Variants in GRID1 observed in about 807,000 individuals in gnomAD.
GRID1 encodes the protein glutamate receptor ionotropic, delta-1.
GRID1 carries 28 observed loss-of-function variants against 98.0 expected under a neutral mutation model. The observed-to-expected ratio is 0.29, with a 90% CI of 0.21 to 0.39. The LOEUF (loss-of-function observed/expected upper bound fraction) is 0.39. Among genes scored for constraint, GRID1 ranks in the 10% least tolerant of loss-of-function variants. GRID1 has a pLI of 1.00. For synonymous variants in GRID1, 553 were observed against 538.5 expected (o/e 1.03, Z -0.37); for missense variants, 1,111 against 1,340.5 (o/e 0.83, Z 2.67).
intron 4 of GRID1, among the ~76,000 whole-genome samples, chr10:86,131,373 C>T (rs1433580406): frequency 6.6e-6 from 1 of 152,104 alleles, no homozygotes; most frequent in African/African-American, 2.4e-5. Context: ...TTGTAAATGC[C>T]TATTTCTCAT....
chr10:85,789,886 C>G (rs1342917202), intron 8 of GRID1, among the ~76,000 whole-genome samples: 1 of 152,186 alleles, frequency 6.6e-6, no homozygotes, highest in Non-Finnish European at 1.5e-5. Context: ...TGATCAGGCC[C>G]TGGGACCCTC....
intron 5 of GRID1, among the ~76,000 whole-genome samples, chr10:85,876,451 A>G (rs1843332694): frequency 6.6e-6 from 1 of 152,174 alleles, no homozygotes; most frequent in Non-Finnish European, 1.5e-5. Flanking sequence ...TTTAACACCT[A>G]TCCAGATAAC....
chr10:86,020,431 C>T (rs1389544149), intron 4 of GRID1, among the ~76,000 whole-genome samples: 1 of 152,238 alleles, frequency 6.6e-6, no homozygotes, highest in Admixed American at 6.5e-5. Flanking sequence ...CCTGTGGGCC[C>T]TTGTGTGCAT....
chr10:85,647,085 C>T, intron 13 of GRID1, 117 bp downstream of exon 13: 1 of 780,648 alleles, frequency 1.3e-6, no homozygotes, highest in Admixed American at 2.1e-5. Flanking sequence ...GATGGATCGC[C>T]TTGCAGGTAA....
At chr10:86,066,283 G>C (rs915635100) in intron 4 of GRID1, among the ~76,000 whole-genome samples, 7 of 152,200 alleles carry the variant, frequency 4.6e-5, no homozygotes, top group African/African-American at 1.7e-4. Flanking sequence ...CCTGCCAGGA[G>C]GGACTGCACA....
At chr10:86,053,526 T>C (rs1040222634) in intron 4 of GRID1, among the ~76,000 whole-genome samples, 1 of 144,870 alleles carries the variant, frequency 6.9e-6, no homozygotes, top group Non-Finnish European at 1.6e-5. Context: ...GCCTGGCTAA[T>C]TTTTTTTGTA....
chr10:86,312,184 G>C (rs1242946209), intron 2 of GRID1, among the ~76,000 whole-genome samples: 2 of 152,216 alleles, frequency 1.3e-5, no homozygotes, highest in Non-Finnish European at 2.9e-5. Flanking sequence ...AATGTTTCTA[G>C]ATGGCTTAGC....
At chr10:85,676,757 C>T (rs925503100) in intron 12 of GRID1, among the ~76,000 whole-genome samples, 1 of 152,176 alleles carries the variant, frequency 6.6e-6, no homozygotes, top group African/African-American at 2.4e-5. Context: ...TGATAAAGCT[C>T]CATATTTTCA....
chr10:85,878,117 A>G (rs1359878937), intron 5 of GRID1, among the ~76,000 whole-genome samples: 1 of 152,240 alleles, frequency 6.6e-6, no homozygotes, highest in African/African-American at 2.4e-5. Flanking sequence ...ATATGGGACT[A>G]TGTGAAAAGA....
At chr10:86,115,618 G>T (rs535551587) in intron 4 of GRID1, among the ~76,000 whole-genome samples, 92 of 152,294 alleles carry the variant, frequency 6.0e-4, no homozygotes, top group Non-Finnish European at 1.1e-3. Flanking sequence ...AGTAAGAGGT[G>T]ATTAGACAGA....
At chr10:85,793,647 G>A (rs1842501175) in intron 8 of GRID1, among the ~76,000 whole-genome samples, 1 of 152,142 alleles carries the variant, frequency 6.6e-6, no homozygotes, top group Non-Finnish European at 1.5e-5. Flanking sequence ...CTCACTGATA[G>A]TAACATTTAC....
At chr10:85,702,513 A>G (rs955100987) in intron 12 of GRID1, among the ~76,000 whole-genome samples, 3 of 152,126 alleles carry the variant, frequency 2.0e-5, no homozygotes, top group African/African-American at 7.2e-5. Flanking sequence ...ATAAGGAAAT[A>G]TTTAATAGAT....
intron 2 of GRID1, among the ~76,000 whole-genome samples, chr10:86,310,805 C>G (rs747943585): frequency 2.6e-5 from 4 of 152,102 alleles, no homozygotes; most frequent in African/African-American, 4.8e-5. Context: ...TTGGAGCATC[C>G]AAAAAGCCAA....
intron 2 of GRID1, among the ~76,000 whole-genome samples, chr10:86,286,842 C>T (rs1847438725): frequency 6.6e-6 from 1 of 152,178 alleles, no homozygotes; most frequent in African/African-American, 2.4e-5. Context: ...AAGTCAGCAC[C>T]CATGCAGAAA....
rs564777031 is a variant in GRID1 at position 85,673,838 on chromosome 10, T to C, written c.1998-26441A>G. On this transcript the variant is annotated intron_variant, in intron 12 of 15. Transcript: ENST00000327946. ...CTCTCAGATCACTCTTCTCGATTAA[T>C]AGATCCATTTTTTTAACCTTAGGTT... is the stretch of plus-strand genomic sequence containing the variant. 2.6e-5 allele frequency among the ~76,000 whole-genome samples: 4 copies of C among 152,358 alleles called. No individual in the cohort carries two copies. The South Asian group carries it at 8.3e-4, about 32-fold the overall frequency.
chr10:85,728,127 G>C (rs1465339858), intron 9 of GRID1, 75 bp from the exon 10 acceptor site: 4 of 1,059,162 alleles, frequency 3.8e-6, no homozygotes, highest in Non-Finnish European at 5.9e-6. Flanking sequence ...TAATGTTAGA[G>C]AGAAAGATCT....
intron 8 of GRID1, among the ~76,000 whole-genome samples, chr10:85,840,062 T>C (rs569042281): frequency 2.5e-4 from 38 of 152,186 alleles, no homozygotes; most frequent in African/African-American, 8.4e-4. Flanking sequence ...ACGAAGAAAC[T>C]GAAACCCTGA....
chr10:86,343,626 G>A (rs776301850), intron 2 of GRID1, among the ~76,000 whole-genome samples: 1 of 152,214 alleles, frequency 6.6e-6, no homozygotes, highest in Non-Finnish European at 1.5e-5. Flanking sequence ...AGCCTCTGGT[G>A]GCTGAGGCCC....
chr10:85,716,300 T>G (rs1431794385), intron 12 of GRID1, among the ~76,000 whole-genome samples: 1 of 152,058 alleles, frequency 6.6e-6, no homozygotes, highest in East Asian at 1.9e-4. Context: ...CTGAGCAAAC[T>G]ATCGCAAGGA....
Sources: allele counts gnomAD v4.1 joint callset (sites outside exome capture counted in the v4.1 genomes callset), GRCh38; gene constraint gnomAD v4.1.1; transcripts MANE v1.5; gene names NCBI Gene and HGNC (gene_info 2026-07-23, HGNC 2026-07-21).